The following TBC1D8B variants were observed in gnomAD, a reference collection of about 807,000 sequenced individuals.
The protein encoded by TBC1D8B is RP11-321G1.1.
Under a neutral mutation model 82.9 loss-of-function variants are expected in TBC1D8B, and 75 were observed. That is an observed-to-expected ratio of 0.90 (90% CI 0.75 to 1.10). TBC1D8B has a LOEUF of 1.10. Among genes scored for constraint, TBC1D8B ranks in the 50% least tolerant of loss-of-function variants. TBC1D8B has a pLI of 0.00. For synonymous variants in TBC1D8B, 276 were observed against 276.8 expected, an observed-to-expected ratio of 1.00 and a Z score of 0.03; for missense variants, 794 against 796.9, an observed-to-expected ratio of 1.00 and a Z score of 0.04.
At chrX:106,829,297 T>C (rs62605968) in intron 7 of TBC1D8B, 43,226 of 105,505 alleles carry the variant, frequency 0.41, 8,165 homozygotes, top group Middle Eastern at 0.6. Context: ...TAAAAGAGGA[T>C]ACAAACAAAT....
At chrX:106,849,119 C>T in intron 11 of TBC1D8B, 1 of 655,623 alleles carries the variant, frequency 1.5e-6, no homozygotes, top group Non-Finnish European at 2.2e-6. Context: ...TCTGTGACCA[C>T]TTACCTTAAA....
In TBC1D8B at chrX:106,812,838, A is replaced by T. The variant is rs183293909; in HGVS notation, c.131-5825A>T. On this transcript the variant is annotated intron_variant, in intron 1 of 20. Coordinates refer to ENST00000357242, the MANE Select transcript of TBC1D8B (RefSeq NM_017752.3). ...ATTCAAATGAGGACCTTTTATTTTT[A>T]TTTATTTATTCATTTATTTATTTAT... Among the ~76,000 whole-genome samples, 242 of 111,307 alleles carry T rather than the reference A, an allele frequency of 2.2e-3. 3 individuals carry two copies. Among genetic ancestry groups the T allele is most frequent in the African/African-American group, 7.8e-3 (239 of 30,673 alleles).
At chrX:106,820,399 A>C (rs1931662654) in intron 2 of TBC1D8B, among the ~76,000 whole-genome samples, 2 of 111,478 alleles carry the variant, frequency 1.8e-5, no homozygotes, top group Admixed American at 9.6e-5. Flanking sequence ...TTCTGAAATA[A>C]GTAGAGTGGC....
chrX:106,853,738 GATA>G, intron 13 of TBC1D8B, 88 bp downstream of exon 13: 5 of 922,943 alleles, frequency 5.4e-6, no homozygotes, highest in Non-Finnish European at 6.1e-6. Flanking sequence ...TTAAGTGTAA[GATA>G]ATAATGCAAG....
chrX:106,858,909 T>C (rs1932747143), intron 14 of TBC1D8B, among the ~76,000 whole-genome samples: 1 of 112,035 alleles, frequency 8.9e-6, no homozygotes, highest in South Asian at 3.7e-4. Flanking sequence ...AGGGATCTAG[T>C]TTCAATCTTC....
chrX:106,821,003 G>T lies in TBC1D8B; in HGVS notation c.360+8G>T, dbSNP rs990744204. 1.9e-6 allele frequency: 2 copies of T among 1,053,045 alleles called. No individual in the cohort carries two copies. Among genetic ancestry groups the T allele is most frequent in the Non-Finnish European group, 2.6e-6 (2 of 771,973 alleles). 86.8% of individuals were successfully genotyped at this position (1,053,045 alleles called of 1,213,427 possible). ...GTACAAGGAAAAATAAGAGTAAGTG[G>T]CACGGATATATCTTGTAGATGGAGT... On this transcript the variant is annotated splice_region_variant and intron_variant, in intron 3 of 20. Coordinates refer to ENST00000357242, the MANE Select transcript of TBC1D8B (RefSeq NM_017752.3).
intron 1 of TBC1D8B, among the ~76,000 whole-genome samples, chrX:106,808,795 T>G (rs1035746177): frequency 9.0e-6 from 1 of 111,543 alleles, no homozygotes. Context: ...AAATAATTAT[T>G]CAACTGGTGA....
chrX:106,813,045 A>G (rs1931426403), intron 1 of TBC1D8B, among the ~76,000 whole-genome samples: 1 of 111,085 alleles, frequency 9.0e-6, no homozygotes, highest in South Asian at 3.8e-4. Context: ...TTTAATAGAG[A>G]CAGGGCTTCA....
chrX:106,839,450 C>T lies in TBC1D8B; in HGVS notation c.1346C>T (p.Ser449Phe). The T allele has an allele frequency of 8.7e-7, 1 of 1,146,786 alleles. No homozygotes were observed. Among genetic ancestry groups the T allele is most frequent in the Non-Finnish European group, 1.2e-6 (1 of 863,242 alleles). The allele number at this position is 1,146,786 out of a possible 1,213,427, so 94.5% of individuals were successfully genotyped here. A position where few individuals can be genotyped will look rare whatever the true frequency, so the allele number is the denominator to read the frequency against. The change falls in exon 8 of 21, where the codon TCT (serine) becomes TTT (phenylalanine). Residue 449 changes from serine to phenylalanine, a missense_variant. Coordinates refer to ENST00000357242, the MANE Select transcript of TBC1D8B (RefSeq NM_017752.3). The stretch of plus-strand genomic sequence containing the variant: ...CCTCAGAATTTGGAGACTCTTAATT[C>T]TAAAATGGTAGGAAAACAAAATATT... ...FHPQNLETLN[S>F]KMLKEKMKEQ...
At chrX:106,849,186 C>T (rs1230058062) in intron 11 of TBC1D8B, 19 of 1,053,783 alleles carry the variant, frequency 1.8e-5, no homozygotes, top group South Asian at 2.2e-5. Flanking sequence ...GTTAGGTCAT[C>T]GATTTTACTG....
chrX:106,847,636 G>A lies in TBC1D8B; in HGVS notation c.1720-550G>A, dbSNP rs148958018. ...GAAGGAAAAAGCAAATCCGAAAGACGTTTTATAAGAAGAAACTCTAGGATA... is the reference window on the plus strand; with the variant it reads ...GAAGGAAAAAGCAAATCCGAAAGACATTTTATAAGAAGAAACTCTAGGATA... On this transcript the variant is annotated intron_variant, in intron 10 of 20. Transcript: ENST00000357242. Among the ~76,000 whole-genome samples, 554 of 111,516 alleles carry A rather than the reference G, an allele frequency of 5.0e-3. 3 individuals carry two copies. Among genetic ancestry groups the A allele is most frequent in the Non-Finnish European group, 7.9e-3 (421 of 53,061 alleles).
rs759697550 is a variant in TBC1D8B at position 106,818,792 on chromosome X, A to G, written c.241+19A>G. On this transcript the variant is annotated intron_variant, in intron 2 of 20. Coordinates refer to ENST00000357242, the MANE Select transcript of TBC1D8B (RefSeq NM_017752.3). ...GCATGTGGTGAGTATGATTTTTAAA[A>G]CATAATTCAAATTAAATAAGGGTAC... 8.9e-7 allele frequency: 1 copy of G among 1,118,032 alleles called. No homozygotes were observed. Among genetic ancestry groups the G allele is most frequent in the Non-Finnish European group, 1.2e-6 (1 of 815,350 alleles). The allele number at this position is 1,118,032 out of a possible 1,213,427, so 92.1% of individuals were successfully genotyped here. A position where few individuals can be genotyped will look rare whatever the true frequency, so the allele number is the denominator to read the frequency against.
In TBC1D8B at chrX:106,874,144, T is replaced by G. The variant is rs188906292; in HGVS notation, c.*179T>G. On this transcript the variant is annotated 3_prime_UTR_variant, in exon 21 of 21. Coordinates refer to ENST00000357242, the MANE Select transcript of TBC1D8B (RefSeq NM_017752.3). ...GTTGATAATGGGCTTTGTTAGCACT[T>G]TTTAAAACAAACAAACAAACAAAAC... 6.8e-4 allele frequency: 251 copies of G among 366,524 alleles called. No homozygotes were observed. Among genetic ancestry groups the G allele is most frequent in the South Asian group, 3.6e-3 (24 of 6,697 alleles). The allele number at this position is 366,524 out of a possible 1,213,427, so 30.2% of individuals were successfully genotyped here. A position where few individuals can be genotyped will look rare whatever the true frequency, so the allele number is the denominator to read the frequency against.
At chrX:106,810,090 A>G (rs778076568) in intron 1 of TBC1D8B, among the ~76,000 whole-genome samples, 12 of 111,711 alleles carry the variant, frequency 1.1e-4, no homozygotes, top group Non-Finnish European at 2.3e-4. Flanking sequence ...GCTGTCTTAT[A>G]AAGTATGCTT....
At chrX:106,859,632 C>A (rs756124925) in intron 14 of TBC1D8B, among the ~76,000 whole-genome samples, 15 of 111,618 alleles carry the variant, frequency 1.3e-4, no homozygotes, top group Non-Finnish European at 1.9e-4. Context: ...AGAATCATAT[C>A]ATCTGCAAAT....
At chrX:106,850,351 G>A in intron 12 of TBC1D8B, 41 bp downstream of exon 12, 1 of 1,114,586 alleles carries the variant, frequency 9.0e-7, no homozygotes, top group Middle Eastern at 2.5e-4. Flanking sequence ...GAGGAGATTT[G>A]AGAGATGATG....
At chrX:106,841,834 A>G (rs1932314571) in intron 10 of TBC1D8B, among the ~76,000 whole-genome samples, 1 of 111,722 alleles carries the variant, frequency 9.0e-6, no homozygotes, top group Non-Finnish European at 1.9e-5. Context: ...TCACAGGAAC[A>G]GGGAAAGAGC....
intron 5 of TBC1D8B, among the ~76,000 whole-genome samples, chrX:106,824,237 C>G (rs1439900785): frequency 1.8e-5 from 2 of 110,939 alleles, no homozygotes; most frequent in African/African-American, 6.5e-5. Context: ...CTAGTGAAAG[C>G]AGCTTCTGGC....
chrX:106,859,132 G>C, intron 14 of TBC1D8B, among the ~76,000 whole-genome samples: 1 of 111,932 alleles, frequency 8.9e-6, no homozygotes, highest in Middle Eastern at 4.6e-3. Context: ...GTTTGAAGGT[G>C]AATAACGTGA....
Sources: allele counts gnomAD v4.1 joint callset (sites outside exome capture counted in the v4.1 genomes callset), GRCh38; gene constraint gnomAD v4.1.1; transcripts MANE v1.5; gene names NCBI Gene and HGNC (gene_info 2026-07-23, HGNC 2026-07-21).